The following LRP4 variants were observed in gnomAD, a reference collection of about 807,000 sequenced individuals.
LRP4 encodes low-density lipoprotein receptor-related protein 4.
Under a neutral mutation model 220.3 loss-of-function variants are expected in LRP4, and 95 were observed. The ratio of observed to expected loss-of-function variants is 0.43; its 90% confidence interval spans 0.37 to 0.51. LRP4 has a LOEUF of 0.51. Ranked by LOEUF, LRP4 falls within the 20% of genes least tolerant of loss-of-function variation. The pLI, the probability that LRP4 is intolerant of heterozygous loss-of-function variation, is 0.00. For synonymous variants in LRP4, 903 were observed against 954.6 expected, an observed-to-expected ratio of 0.95 and a Z score of 1.00; for missense variants, 1,925 against 2,567.0, an observed-to-expected ratio of 0.75 and a Z score of 5.40.
Position 46,899,968 on chromosome 11 carries a change from C to T in LRP4, c.325G>A (p.Glu109Lys). 1 of 1,613,052 alleles carries T rather than the reference C, an allele frequency of 6.2e-7. No individual in the cohort carries two copies. Among genetic ancestry groups the T allele is most frequent in the African/African-American group, 1.3e-5 (1 of 75,046 alleles). ...CAGGGAAACTCGTCCTCCTCACACT[C>T]CCGGGGGGCTGTGGGCACAGAGCAG... ...DSDEQDCPPR[E>K]CEEDEFPCQN... Residue 109 changes from glutamate (E) to lysine (K), a missense_variant, in exon 4 of 38, where the codon GAG becomes AAG. Transcript: ENST00000378623. The surrounding 1 kb of genome is among the most constrained non-coding windows in gnomAD (Gnocchi z 5.9).
intron 1 of LRP4, among the ~76,000 whole-genome samples, chr11:46,908,998 G>GCC (rs974449566): frequency 2.0e-5 from 3 of 152,348 alleles, no homozygotes; most frequent in Non-Finnish European, 4.4e-5. Context: ...CAGGATGGCA[G>GCC]CCCCATTCTG....
chr11:46,888,548 C>CAAAAAAAAAAAAAAAAAAAAAAAAAAAA (rs71042635), intron 16 of LRP4, among the ~76,000 whole-genome samples: 1 of 31,314 alleles, frequency 3.2e-5, no homozygotes, highest in African/African-American at 7.3e-5. Context: ...AAAACTGTCT[C>CAAAAAAAAAAAAAAAAAAAAAAAAAAAA]AAAAAAAAAA....
chr11:46,901,618 G>C (rs988047617), intron 2 of LRP4, among the ~76,000 whole-genome samples: 2 of 152,138 alleles, frequency 1.3e-5, no homozygotes, highest in African/African-American at 4.8e-5. Flanking sequence ...CAGAGATTGC[G>C]CCTCTAATCC....
chr11:46,873,634 C>T lies in LRP4; in HGVS notation c.4230-41G>A. On this transcript the variant is annotated intron_variant, in intron 28 of 37. Transcript: ENST00000378623. The surrounding 1 kb of genome is among the most constrained non-coding windows in gnomAD (Gnocchi z 4.2). ...GTGTTGGATGAGCAACCAGACTGAC[C>T]CAGAATAGAGTAGAACTTTAACCCA... The T allele has an allele frequency of 6.5e-7, 1 of 1,537,048 alleles. No homozygotes were observed. The highest frequency in any genetic ancestry group is 9.0e-7 in the Non-Finnish European group (1 of 1,117,102).
At position 46,896,017 on chromosome 11, in the gene LRP4, C is replaced by T. The variant is rs2134853547; in HGVS notation, c.1050G>A (p.Arg350=). 2 of 1,614,128 alleles carry T rather than the reference C, an allele frequency of 1.2e-6. No individual in the cohort carries two copies. Among genetic ancestry groups the T allele is most frequent in the Non-Finnish European group, 1.7e-6 (2 of 1,180,042 alleles). Residue 350 remains arginine, a splice_region_variant and synonymous_variant, in exon 10 of 38, where the codon CGG becomes CGA. Transcript: ENST00000378623. ...NSDESPQQNC[R]PRTGEENCNV... Reference sequence around the variant, plus strand: ...TGCAGTTCTCCTCACCCGTCCGGGGCCCTGTGCCAGCCAAGCCAGAGTTGG... The same window carrying T: ...TGCAGTTCTCCTCACCCGTCCGGGGTCCTGTGCCAGCCAAGCCAGAGTTGG...
chr11:46,859,349 G>T (rs1270955934), intron 37 of LRP4, 34 bp from the exon 38 acceptor site: 1 of 1,509,332 alleles, frequency 6.6e-7, no homozygotes, highest in Admixed American at 1.7e-5. Context: ...TGGTCAGTCA[G>T]TTGGCCTTCT....
At position 46,890,531 on chromosome 11, in the gene LRP4, GA is replaced by G; in HGVS notation, c.1698-38del. ...AAAGTAAATTGGGAAGTGGGCAGCAGAAAACAGGTAGGTAACCAGGAGAATA... is the reference window on the plus strand; with the variant it reads ...AAAGTAAATTGGGAAGTGGGCAGCAGAAACAGGTAGGTAACCAGGAGAATA... On this transcript the variant is annotated intron_variant, in intron 13 of 37. Coordinates refer to ENST00000378623, the MANE Select transcript of LRP4 (RefSeq NM_002334.4). The surrounding 1 kb of genome is among the most constrained non-coding windows in gnomAD (Gnocchi z 5.3). 6 of 1,439,186 alleles carry G rather than the reference GA, an allele frequency of 4.2e-6. No homozygotes were observed. Among genetic ancestry groups the G allele is most frequent in the Non-Finnish European group, 5.9e-6 (6 of 1,025,142 alleles). 89.2% of individuals were successfully genotyped at this position (1,439,186 alleles called of 1,614,324 possible).
chr11:46,908,074 G>A (rs576714391), intron 1 of LRP4, among the ~76,000 whole-genome samples: 1 of 152,102 alleles, frequency 6.6e-6, no homozygotes, highest in African/African-American at 2.4e-5. Flanking sequence ...TGGGATTACA[G>A]GCACCCATCA....
At chr11:46,898,478 G>A (rs959418537) in intron 7 of LRP4, 80 bp downstream of exon 7, 41 of 1,595,604 alleles carry the variant, frequency 2.6e-5, no homozygotes, top group Non-Finnish European at 3.2e-5. Flanking sequence ...GAGCCACCGC[G>A]CCCAGCCGGT....
intron 7 of LRP4, among the ~76,000 whole-genome samples, chr11:46,897,475 C>G: frequency 6.7e-6 from 1 of 149,560 alleles, no homozygotes; most frequent in East Asian, 2.0e-4. Flanking sequence ...AGCAGATAAA[C>G]AAGTGAACAA....
In LRP4 at chr11:46,918,260, A is replaced by C. The variant is rs1344655573; in HGVS notation, c.52+68T>G. 6.9e-7 allele frequency: 1 copy of C among 1,458,632 alleles called. No individual in the cohort carries two copies. Among genetic ancestry groups the C allele is most frequent in the African/African-American group, 1.5e-5 (1 of 68,396 alleles). The allele number at this position is 1,458,632 out of a possible 1,614,324, so 90.4% of individuals were successfully genotyped here. On this transcript the variant is annotated intron_variant, in intron 1 of 37. Coordinates refer to ENST00000378623, the MANE Select transcript of LRP4 (RefSeq NM_002334.4). This position sits in a 1 kb window ranked among gnomAD's most constrained non-coding sequence, Gnocchi z 6.0. ...TCTCAGGCCCCGGCCCGCGCCGTCCAGGTCCCGGGAGGCGAGTCCTGCAGC... is the reference window on the plus strand; with the variant it reads ...TCTCAGGCCCCGGCCCGCGCCGTCCCGGTCCCGGGAGGCGAGTCCTGCAGC...
rs1408810608 is a variant in LRP4 at position 46,883,877 on chromosome 11, A to T, written c.2606T>A (p.Met869Lys). 6.2e-7 allele frequency: 1 copy of T among 1,613,918 alleles called. No individual in the cohort carries two copies. The highest frequency in any genetic ancestry group is 1.1e-5 in the South Asian group (1 of 91,084). ...DRPRDIVVEP[M>K]GGYMYWTDWG... Reference sequence around the variant, plus strand: ...CCAAGGGGCAGCCACTCACCCGCCCATGGGTTCCACCACGATGTCCCGAGG... The same window carrying T: ...CCAAGGGGCAGCCACTCACCCGCCCTTGGGTTCCACCACGATGTCCCGAGG... The change falls in exon 19 of 38, where the codon ATG (methionine) becomes AAG (lysine). Residue 869 changes from methionine to lysine, a missense_variant. This residue lies in a region of LRP4 where 1,244 missense variants were observed against 1,624.9 expected (regional missense o/e 0.77). Coordinates refer to ENST00000378623, the MANE Select transcript of LRP4 (RefSeq NM_002334.4).
In LRP4 at chr11:46,917,089, T is replaced by C. The variant is rs149112622; in HGVS notation, c.52+1239A>G. ...GTTTAAATAAGAGACATGAAAACTCTGTTTTGGATTTGGGAGGTAAACCAA... is the reference window on the plus strand; with the variant it reads ...GTTTAAATAAGAGACATGAAAACTCCGTTTTGGATTTGGGAGGTAAACCAA... On this transcript the variant is annotated intron_variant, in intron 1 of 37. Transcript: ENST00000378623. Among the ~76,000 whole-genome samples, 813 of 152,362 alleles carry C rather than the reference T, an allele frequency of 5.3e-3. 11 individuals are homozygous for C. Among genetic ancestry groups the C allele is most frequent in the African/African-American group, 0.019 (777 of 41,590 alleles).
intron 8 of LRP4, 39 bp from the exon 9 acceptor site, chr11:46,896,374 T>C: frequency 6.2e-7 from 1 of 1,609,308 alleles, no homozygotes; most frequent in African/African-American, 1.3e-5. Context: ...AAGGCAGGGC[T>C]TGGGCCAACA....
chr11:46,871,506 C>T lies in LRP4; in HGVS notation c.4692+19G>A. 1 of 1,551,194 alleles carries T rather than the reference C, an allele frequency of 6.4e-7. No homozygotes were observed. The highest frequency in any genetic ancestry group is 8.9e-7 in the Non-Finnish European group (1 of 1,125,864). On this transcript the variant is annotated intron_variant, in intron 31 of 37. Transcript: ENST00000378623. ...ATCCCAGTCAAGGAGGTTTAGTTAC[C>T]TCTCTCCTGAGCCAGTACCTGTGTG... is the stretch of plus-strand genomic sequence containing the variant.
Position 46,894,746 on chromosome 11 carries a change from T to C in LRP4, c.1383A>G (p.Thr461=), listed in dbSNP as rs751531135. The change falls in exon 12 of 38, where the codon ACA becomes ACG. Residue 461 remains threonine (T), a synonymous_variant. Coordinates refer to ENST00000378623, the MANE Select transcript of LRP4 (RefSeq NM_002334.4). ...CATTCTCCAGGTTGTTAAGCAGCAG[T>C]GTGTACTCAGAGCGGTGTGGCAGCA... is the stretch of plus-strand genomic sequence containing the variant. ...RQVLPHRSEY[T]LLLNNLENAI... The C allele has an allele frequency of 1.2e-6, 2 of 1,614,172 alleles. No individual in the cohort carries two copies. The highest frequency in any genetic ancestry group is 1.7e-6 in the Non-Finnish European group (2 of 1,180,032).
intron 20 of LRP4, 48 bp from the exon 21 acceptor site, chr11:46,879,363 C>G: frequency 6.2e-7 from 1 of 1,600,386 alleles, no homozygotes; most frequent in Non-Finnish European, 8.5e-7. Flanking sequence ...TCTGACAGTA[C>G]AGAGCAGTGG....
In LRP4 at chr11:46,874,952, G is replaced by A. The variant is rs771854723; in HGVS notation, c.4077C>T (p.Ser1359=). The change falls in exon 28 of 38, where the codon TCC becomes TCT. Residue 1359 remains serine, a synonymous_variant. Transcript: ENST00000378623. ...DPSPETYLLF[S]SRGSIRRISL... Reference sequence around the variant, plus strand: ...AGATACGCCGGATGGAGCCACGGCTGGAGAAGAGCAGGTAGGTCTCAGGAG... The same window carrying A: ...AGATACGCCGGATGGAGCCACGGCTAGAGAAGAGCAGGTAGGTCTCAGGAG... 1.9e-6 allele frequency: 3 copies of A among 1,614,208 alleles called. No individual in the cohort carries two copies. The African/African-American group carries it at 4.0e-5, about 22-fold the overall frequency.
intron 1 of LRP4, among the ~76,000 whole-genome samples, chr11:46,911,673 C>T (rs1467559523): frequency 1.3e-5 from 2 of 151,324 alleles, no homozygotes; most frequent in African/African-American, 4.9e-5. Context: ...TGCATTCAGA[C>T]TCCCTGAGAA....
Sources: gnomAD v4.1 joint callset for allele counts (sites outside exome capture counted in the v4.1 genomes callset) on GRCh38, gnomAD v4.1.1 for gene constraint, gnomAD v4.1.1 regional missense constraint, Gnocchi (gnomAD v3.1) non-coding constraint, MANE v1.5 for transcripts, NCBI Gene and HGNC (gene_info 2026-07-23, HGNC 2026-07-21) for gene names.